Variants in ITGB3 observed in about 807,000 individuals in gnomAD.
The protein encoded by ITGB3 is integrin subunit beta 3.
In ITGB3, 48 loss-of-function variants were observed where a neutral mutation model predicts 85.8. That is an observed-to-expected ratio of 0.56 (90% confidence interval 0.44 to 0.71). The LOEUF (loss-of-function observed/expected upper bound fraction) is 0.71, where lower values mean the gene tolerates loss of function less well. Ranked by LOEUF, ITGB3 falls within the 30% of genes least tolerant of loss-of-function variation. ITGB3 has a pLI of 0.00. For synonymous variants in ITGB3, 363 were observed against 395.6 expected (o/e 0.92, Z 0.98); for missense variants, 861 against 1,019.1 (o/e 0.84, Z 2.11).
intron 9 of ITGB3, 28 bp downstream of exon 9, chr17:47,291,116 C>G (rs2065123876): frequency 1.2e-6 from 2 of 1,613,724 alleles, no homozygotes; most frequent in Middle Eastern, 1.7e-4. Context: ...GGGCCTTTGT[C>G]CTGGAGCATC....
At chr17:47,310,020 T>C (rs924366014) in intron 14 of ITGB3, 119 bp from the exon 15 acceptor site, 21 of 805,376 alleles carry the variant, frequency 2.6e-5, no homozygotes, top group South Asian at 1.0e-4. Flanking sequence ...TTCTGTTTCA[T>C]TGATGATGTA....
chr17:47,295,560 C>T (rs568598655), intron 10 of ITGB3, among the ~76,000 whole-genome samples: 1 of 152,296 alleles, frequency 6.6e-6, no homozygotes, highest in East Asian at 1.9e-4. Context: ...TGGGGTCAGC[C>T]TGCTGGCTCT....
At chr17:47,289,490 T>C (rs1465151944) in intron 6 of ITGB3, among the ~76,000 whole-genome samples, 191 bp from the exon 7 acceptor site, 2 of 151,968 alleles carry the variant, frequency 1.3e-5, no homozygotes, top group African/African-American at 4.8e-5. Context: ...ATCTGGCAAA[T>C]AAAAAAAATT....
chr17:47,309,075 TCTCG>T (rs1283637805), intron 14 of ITGB3, among the ~76,000 whole-genome samples: 1 of 149,800 alleles, frequency 6.7e-6, no homozygotes, highest in East Asian at 2.0e-4. Flanking sequence ...TGAGACAGGG[TCTCG>T]CTCTGTCACC....
intron 1 of ITGB3, among the ~76,000 whole-genome samples, chr17:47,267,174 A>G (rs1420153738): frequency 6.6e-6 from 1 of 152,204 alleles, no homozygotes; most frequent in African/African-American, 2.4e-5. Context: ...AGAGTTTTAC[A>G]GGGTTTGGTT....
chr17:47,291,603 T>C (rs1265029986), intron 9 of ITGB3: 1 of 272,414 alleles, frequency 3.7e-6, no homozygotes, highest in Non-Finnish European at 6.9e-6. Flanking sequence ...TTGGATACGC[T>C]GATCCTTTCT....
At chr17:47,287,911 C>CTTTTTTTTTTTT (rs60463106) in intron 6 of ITGB3, among the ~76,000 whole-genome samples, 2 of 55,390 alleles carry the variant, frequency 3.6e-5, no homozygotes, top group African/African-American at 8.1e-5. Flanking sequence ...ACCACCCCTG[C>CTTTTTTTTTTTT]TTTTTTTTTT....
At chr17:47,306,914 A>T (rs1460878055) in intron 13 of ITGB3, among the ~76,000 whole-genome samples, 1 of 152,172 alleles carries the variant, frequency 6.6e-6, no homozygotes, top group Non-Finnish European at 1.5e-5. Context: ...TCCTGACCTC[A>T]GGTGCTCTGC....
At chr17:47,253,968 C>T in intron 1 of ITGB3, 28 bp downstream of exon 1, 1 of 1,353,102 alleles carries the variant, frequency 7.4e-7, no homozygotes, top group Non-Finnish European at 9.7e-7. Context: ...TCGGCAGCGT[C>T]GCAGCTGCCC....
In ITGB3 at chr17:47,312,035, G is replaced by A. The variant is rs1005012070; in HGVS notation, c.*1831G>A. 6.6e-6 allele frequency among the ~76,000 whole-genome samples: 1 copy of A among 152,166 alleles called. No individual in the cohort carries two copies. Among genetic ancestry groups the A allele is most frequent in the African/African-American group, 2.4e-5 (1 of 41,438 alleles). The stretch of plus-strand genomic sequence containing the variant: ...TCTCTGGGATATTGATACTGTTTGT[G>A]TTTTTAGTTGGGAGATCTGAGAGAC... On this transcript the variant is annotated 3_prime_UTR_variant, in exon 15 of 15. Coordinates refer to ENST00000559488, the MANE Select transcript of ITGB3 (RefSeq NM_000212.3).
rs763541283 is a variant in ITGB3 at position 47,287,131 on chromosome 17, C to T, written c.839C>T (p.Thr280Ile). 3.7e-6 allele frequency: 6 copies of T among 1,613,946 alleles called. No homozygotes were observed. The highest frequency in any genetic ancestry group is 5.1e-6 in the Non-Finnish European group (6 of 1,179,950). ...CTGGTGTTTACCACTGATGCCAAGA[C>T]TCATATAGCATTGGACGGAAGGCTG... ...HLLVFTTDAKTHIALDGRLAG... is the reference protein window; with the variant it reads ...HLLVFTTDAKIHIALDGRLAG... Residue 280 changes from threonine (T) to isoleucine (I), a missense_variant, in exon 6 of 15, where the codon ACT becomes ATT. By Grantham distance (89) the Thr-to-Ile change is moderately conservative. Transcript: ENST00000559488.
At chr17:47,297,197 ATGACACTGCATAGAGGCTAAGCACT>A (rs1212197471) in intron 10 of ITGB3, among the ~76,000 whole-genome samples, 1 of 152,202 alleles carries the variant, frequency 6.6e-6, no homozygotes, top group Non-Finnish European at 1.5e-5. Context: ...AGCATTGCTT[ATGACACTGCATAGAGGCTAAGCACT>A]TGGGATCTGA....
rs372463382 is a variant in ITGB3 at position 47,293,112 on chromosome 17, C to T, written c.1690+544C>T. Among the ~76,000 whole-genome samples the T allele has an allele frequency of 7.2e-4, 109 of 152,320 alleles. 1 individual carries two copies. In the South Asian group the frequency reaches 0.022, roughly 30 times the overall value. ...TCAGCTCATCAGTGGCCACATGTAG[C>T]TAGTGGCTGCTATATTGGACAGATC... On this transcript the variant is annotated intron_variant, in intron 10 of 14. Transcript: ENST00000559488.
chr17:47,302,471 G>A (rs760355116), intron 12 of ITGB3, among the ~76,000 whole-genome samples: 2 of 152,170 alleles, frequency 1.3e-5, no homozygotes, highest in South Asian at 2.1e-4. Context: ...GTGTAATACT[G>A]TTATATCATG....
At position 47,310,523 on chromosome 17, in the gene ITGB3, G is replaced by A. The variant is rs1598704768; in HGVS notation, c.*319G>A. ...TTAGCTTGAGGGTGACTATGGAGCT[G>A]AGCAGGTGTTCTTCATTACCTCAGT... On this transcript the variant is annotated 3_prime_UTR_variant, in exon 15 of 15. Transcript: ENST00000559488. 2.3e-6 allele frequency: 1 copy of A among 433,574 alleles called. No individual in the cohort carries two copies. The highest frequency in any genetic ancestry group is 4.3e-6 in the Non-Finnish European group (1 of 230,022). 26.9% of individuals were successfully genotyped at this position (433,574 alleles called of 1,614,324 possible). A position where few individuals can be genotyped will look rare whatever the true frequency, so the allele number is the denominator to read the frequency against.
intron 12 of ITGB3, 26 bp downstream of exon 12, chr17:47,300,604 C>A: frequency 6.5e-7 from 1 of 1,529,790 alleles, no homozygotes; most frequent in Non-Finnish European, 9.0e-7. Context: ...CTTAGAGTTG[C>A]ACACACCCAG....
intron 2 of ITGB3, among the ~76,000 whole-genome samples, chr17:47,280,657 G>A (rs16941807): frequency 0.02 from 2,982 of 152,206 alleles, 86 homozygotes; most frequent in African/African-American, 0.068. Context: ...GCACCCGGCC[G>A]GTTACAGGGC....
chr17:47,284,493 G>C lies in ITGB3; in HGVS notation c.412G>C (p.Val138Leu). 6.2e-7 allele frequency: 1 copy of C among 1,614,146 alleles called. No individual in the cohort carries two copies. Among genetic ancestry groups the C allele is most frequent in the Non-Finnish European group, 8.5e-7 (1 of 1,180,022 alleles). Residue 138 changes from valine (V) to leucine (L), a missense_variant, in exon 4 of 15, where the codon GTG becomes CTG. Coordinates refer to ENST00000559488, the MANE Select transcript of ITGB3 (RefSeq NM_000212.3). ...AGTGCGGCAGGTGGAGGATTACCCT[G>C]TGGACATCTACTACTTGATGGACCT... is the stretch of plus-strand genomic sequence containing the variant. ...IQVRQVEDYP[V>L]DIYYLMDLSY...
chr17:47,295,788 A>G (rs1049445253), intron 10 of ITGB3, among the ~76,000 whole-genome samples: 1 of 151,316 alleles, frequency 6.6e-6, no homozygotes, highest in Non-Finnish European at 1.5e-5. Context: ...GTGGGGGGGC[A>G]GCTCTGCTGG....
Sources: allele counts gnomAD v4.1 joint callset (sites outside exome capture counted in the v4.1 genomes callset), GRCh38; gene constraint gnomAD v4.1.1; transcripts MANE v1.5; gene names NCBI Gene and HGNC (gene_info 2026-07-23, HGNC 2026-07-21).